The following MYO18B variants were observed in gnomAD, a reference collection of about 807,000 sequenced individuals.
MYO18B encodes the protein myosin XVIIIB.
Under a neutral mutation model 273.0 loss-of-function variants are expected in MYO18B, and 204 were observed. The ratio of observed to expected loss-of-function variants is 0.75; its 90% CI spans 0.67 to 0.84. The LOEUF is 0.84. Ranked by LOEUF, MYO18B falls within the 40% of genes least tolerant of loss-of-function variation. The pLI is 0.00. For synonymous variants in MYO18B, 1,330 were observed against 1,305.7 expected (o/e 1.02, Z -0.40); for missense variants, 3,212 against 3,287.6 (o/e 0.98, Z 0.56).
chr22:25,769,502 T>G (rs2086638038), intron 4 of MYO18B, 74 bp downstream of exon 4: 108 of 1,233,244 alleles, frequency 8.8e-5, no homozygotes, highest in East Asian at 1.1e-4. Flanking sequence ...GGGAAAGATC[T>G]GCCCCAGGGA....
intron 11 of MYO18B, among the ~76,000 whole-genome samples, chr22:25,794,696 G>T (rs2087830452): frequency 6.6e-6 from 1 of 150,630 alleles, no homozygotes; most frequent in Admixed American, 6.6e-5. Flanking sequence ...AGTAGAGATG[G>T]GGTTTCACCG....
chr22:25,753,208 A>T (rs1601592885), intron 1 of MYO18B, among the ~76,000 whole-genome samples: 1 of 148,802 alleles, frequency 6.7e-6, no homozygotes, highest in East Asian at 2.0e-4. Flanking sequence ...AGGCGACCCC[A>T]GCTGGCCTCC....
chr22:25,901,884 C>T (rs1361478760), intron 29 of MYO18B, among the ~76,000 whole-genome samples: 1 of 146,618 alleles, frequency 6.8e-6, no homozygotes, highest in African/African-American at 2.5e-5. Context: ...ACAATCATGG[C>T]TCACTGCAGC....
chr22:25,935,031 G>A (rs946691475), intron 34 of MYO18B, among the ~76,000 whole-genome samples: 1 of 152,172 alleles, frequency 6.6e-6, no homozygotes, highest in Non-Finnish European at 1.5e-5. Context: ...ACTTATTAAA[G>A]AGAAATCTCA....
intron 39 of MYO18B, among the ~76,000 whole-genome samples, chr22:25,985,457 A>G (rs1044016470): frequency 1.3e-5 from 2 of 152,096 alleles, no homozygotes; most frequent in African/African-American, 4.8e-5. Context: ...ATGATGACCA[A>G]CTTCTTCCCA....
At chr22:26,063,061 A>G in the MYO18B span, among the ~76,000 whole-genome samples, 3 of 152,196 alleles carry the variant, frequency 2.0e-5, no homozygotes, top group African/African-American at 4.8e-5. Flanking sequence ...ATGATTCTAC[A>G]TGTGCCCTAA....
At chr22:25,867,111 TTG>T (rs1236100567) in intron 21 of MYO18B, among the ~76,000 whole-genome samples, 1 of 152,178 alleles carries the variant, frequency 6.6e-6, no homozygotes, top group East Asian at 1.9e-4. Context: ...TTAGTTTTTG[TTG>T]TGTGTGTGTA....
intron 33 of MYO18B, among the ~76,000 whole-genome samples, chr22:25,917,853 C>T (rs2092285938): frequency 6.6e-6 from 1 of 152,066 alleles, no homozygotes; most frequent in Admixed American, 6.6e-5. Flanking sequence ...GGTGGTTACT[C>T]ATACATTTCC....
rs935630604 is a variant in MYO18B, at chr22:25,991,935, C to T, written c.6157-428C>T. On this transcript the variant is annotated intron_variant, in intron 39 of 43. Coordinates refer to ENST00000335473, the MANE Select transcript of MYO18B (RefSeq NM_032608.7). ...GACTTGAAACTATCTTTGTTATGTT[C>T]TCCCCATGACCTCCTGCACCAGATT... Among the ~76,000 whole-genome samples, 7 of 152,200 alleles carry T rather than the reference C, an allele frequency of 4.6e-5. No homozygotes were observed. The East Asian group carries it at 9.7e-4, about 21-fold the overall frequency.
At chr22:26,045,327 C>T in the MYO18B span, among the ~76,000 whole-genome samples, 5 of 151,944 alleles carry the variant, frequency 3.3e-5, no homozygotes, top group African/African-American at 7.3e-5. Flanking sequence ...CTGGGTCATC[C>T]GAGAAACAGA....
chr22:25,859,657 C>A (rs2090672939), intron 21 of MYO18B, among the ~76,000 whole-genome samples: 1 of 151,850 alleles, frequency 6.6e-6, no homozygotes, highest in Non-Finnish European at 1.5e-5. Flanking sequence ...TGCCTAGTAG[C>A]CATTTTATCT....
At chr22:25,997,958 A>ACACAC (rs1569278959) in intron 40 of MYO18B, among the ~76,000 whole-genome samples, 1 of 105,706 alleles carries the variant, frequency 9.5e-6, no homozygotes, top group African/African-American at 4.1e-5. Context: ...CACACACACA[A>ACACAC]ACACACACAC....
In MYO18B at chr22:25,771,004, G is replaced by T. The variant is rs533763005; in HGVS notation, c.1692+20G>T. The T allele has an allele frequency of 6.6e-7, 1 of 1,519,262 alleles. No individual in the cohort carries two copies. Among genetic ancestry groups the T allele is most frequent in the Non-Finnish European group, 8.9e-7 (1 of 1,117,864 alleles). The allele number at this position is 1,519,262 out of a possible 1,614,324, so 94.1% of individuals were successfully genotyped here. The stretch of plus-strand genomic sequence containing the variant: ...CATCGGGTGAGTCCCCTGTCCCGCC[G>T]TCCCCCAGCATGAGTCCCCTGTCCC... On this transcript the variant is annotated intron_variant, in intron 6 of 43. Coordinates refer to ENST00000335473, the MANE Select transcript of MYO18B (RefSeq NM_032608.7).
intron 16 of MYO18B, among the ~76,000 whole-genome samples, chr22:25,833,312 A>T (rs1275928006): frequency 6.6e-6 from 1 of 152,190 alleles, no homozygotes; most frequent in Non-Finnish European, 1.5e-5. Context: ...TTCAGGGCTC[A>T]TGGCCAGAGG....
rs779835006 is a variant in MYO18B at position 25,780,103 on chromosome 22, G to A, written c.2116G>A (p.Val706Met). 1 of 1,601,654 alleles carries A rather than the reference G, an allele frequency of 6.2e-7. No individual in the cohort carries two copies. The highest frequency in any genetic ancestry group is 2.3e-5 in the East Asian group (1 of 44,424). The change falls in exon 9 of 44, where the codon GTG (valine) becomes ATG (methionine). Residue 706 changes from valine (V) to methionine (M), a missense_variant. By Grantham distance (21) the Val-to-Met change is conservative. Transcript: ENST00000335473. ...TFTVLRAFGS[V>M]SMAHSRSATR... ...CACTGTCCTCCGGGCCTTCGGCTCTGTGTCCATGGCCCACAGCCGCAGTGC... is the reference window on the plus strand; with the variant it reads ...CACTGTCCTCCGGGCCTTCGGCTCTATGTCCATGGCCCACAGCCGCAGTGC...
intron 12 of MYO18B, among the ~76,000 whole-genome samples, chr22:25,813,146 C>G (rs2088838418): frequency 1.3e-5 from 2 of 150,406 alleles, no homozygotes; most frequent in Non-Finnish European, 3.0e-5. Flanking sequence ...TCCTCCTCCT[C>G]CTTCTTCCTT....
At chr22:25,854,719 A>G (rs1023729355) in intron 21 of MYO18B, among the ~76,000 whole-genome samples, 38 of 152,302 alleles carry the variant, frequency 2.5e-4, no homozygotes, top group African/African-American at 8.7e-4. Flanking sequence ...TTCTGTCTCT[A>G]TAAATCTGAC....
chr22:25,861,060 GT>G (rs1290596543), intron 21 of MYO18B, among the ~76,000 whole-genome samples: 2 of 151,876 alleles, frequency 1.3e-5, no homozygotes, highest in Non-Finnish European at 2.9e-5. Flanking sequence ...GGCTGATTTT[GT>G]TTTTTAGAGA....
chr22:25,847,023 C>T (rs1462944628), intron 19 of MYO18B, among the ~76,000 whole-genome samples: 7 of 150,276 alleles, frequency 4.7e-5, no homozygotes, highest in Non-Finnish European at 8.9e-5. Context: ...GAGGTTGCAG[C>T]GAGCTGAGAT....
Sources: allele counts gnomAD v4.1 joint callset (sites outside exome capture counted in the v4.1 genomes callset), GRCh38; gene constraint gnomAD v4.1.1; transcripts MANE v1.5; gene names NCBI Gene and HGNC (gene_info 2026-07-23, HGNC 2026-07-21).